Variants in ST13 observed in about 807,000 individuals in gnomAD.
The protein encoded by ST13 is hsc70-interacting protein.
ST13 carries 23 observed loss-of-function variants against 56.7 expected under a neutral mutation model. The ratio of observed to expected loss-of-function variants is 0.41; its 90% CI spans 0.29 to 0.57. The LOEUF is 0.57. ST13 is among the 20% of genes least tolerant of loss of function. The pLI, the probability that ST13 is intolerant of heterozygous loss-of-function variation, is 0.36. For missense variants in ST13, 369 were observed against 459.9 expected, an observed-to-expected ratio of 0.80 and a Z score of 1.81; for synonymous variants, 132 against 142.4, an observed-to-expected ratio of 0.93 and a Z score of 0.52.
chr22:40,843,578 G>C (rs942532382), intron 4 of ST13, among the ~76,000 whole-genome samples: 1 of 152,106 alleles, frequency 6.6e-6, no homozygotes, highest in Non-Finnish European at 1.5e-5. Flanking sequence ...ATGTTCAGAA[G>C]AGAAAAAGCA....
chr22:40,847,527 C>T (rs550387683), intron 3 of ST13, among the ~76,000 whole-genome samples: 7 of 141,140 alleles, frequency 5.0e-5, no homozygotes, highest in South Asian at 2.2e-4. Context: ...CCAGCCTGGG[C>T]GACACAGTGA....
At chr22:40,830,706 A>AT in intron 9 of ST13, 134 bp downstream of exon 9, 1 of 476,904 alleles carries the variant, frequency 2.1e-6, no homozygotes, top group African/African-American at 2.0e-5. Flanking sequence ...GAGACTCCCC[A>AT]TAAGTAATAT....
At chr22:40,847,192 G>A (rs1246882422) in intron 3 of ST13, among the ~76,000 whole-genome samples, 1 of 152,022 alleles carries the variant, frequency 6.6e-6, no homozygotes, top group Non-Finnish European at 1.5e-5. Flanking sequence ...TATCAACATG[G>A]TTGTAAGAAC....
chr22:40,848,064 C>CA lies in ST13; in HGVS notation c.244+229dup, dbSNP rs570104512. Reference sequence around the variant, plus strand: ...CTCCATCTCAAAAAGAACAAAAAAACAAAAAAAAATATTGATTACACATGT... The same window carrying CA: ...CTCCATCTCAAAAAGAACAAAAAAACAAAAAAAAAATATTGATTACACATGT... On this transcript the variant is annotated intron_variant, in intron 3 of 11. Coordinates refer to ENST00000216218, the MANE Select transcript of ST13 (RefSeq NM_003932.5). Among the ~76,000 whole-genome samples, 42 of 150,098 alleles carry CA rather than the reference C, an allele frequency of 2.8e-4. No individual in the cohort carries two copies. The South Asian group carries it at 4.2e-3, about 15-fold the overall frequency.
intron 3 of ST13, among the ~76,000 whole-genome samples, chr22:40,845,608 C>T (rs2057826892): frequency 6.6e-6 from 1 of 152,046 alleles, no homozygotes; most frequent in East Asian, 1.9e-4. Context: ...AAAGCTAGTA[C>T]TTACAACCAA....
In ST13 at chr22:40,856,300, T is replaced by C. The variant is rs1047049418; in HGVS notation, c.110+131A>G. On this transcript the variant is annotated intron_variant, in intron 1 of 11. Transcript: ENST00000216218. ...CGCGATCTTCCATGACCCCTCGAAGTTGCCTCCCTTTCCCGGGCAAAGAAG... is the reference window on the plus strand; with the variant it reads ...CGCGATCTTCCATGACCCCTCGAAGCTGCCTCCCTTTCCCGGGCAAAGAAG... The C allele has an allele frequency of 3.7e-5, 28 of 760,036 alleles. 1 individual carries two copies. The Admixed American group carries it at 5.7e-4, about 15-fold the overall frequency. The allele number at this position is 760,036 out of a possible 1,614,324, so 47.1% of individuals were successfully genotyped here. A position where few individuals can be genotyped will look rare whatever the true frequency, so the allele number is the denominator to read the frequency against.
At chr22:40,847,358 A>G (rs115267086) in intron 3 of ST13, among the ~76,000 whole-genome samples, 6,367 of 150,870 alleles carry the variant, frequency 0.042, 440 homozygotes, top group African/African-American at 0.15. Context: ...ACATGGCAAC[A>G]TGGCAAAACC....
At chr22:40,829,534 T>C (rs754585759) in intron 10 of ST13, 92 bp downstream of exon 10, 3 of 597,582 alleles carry the variant, frequency 5.0e-6, no homozygotes, top group Non-Finnish European at 7.6e-6. Flanking sequence ...GAGAACAAAA[T>C]CAGAATATCA....
At chr22:40,838,389 T>G (rs2057787377) in intron 5 of ST13, among the ~76,000 whole-genome samples, 1 of 152,078 alleles carries the variant, frequency 6.6e-6, no homozygotes. Context: ...AACAGAGAGT[T>G]CAGAAAAAAG....
At chr22:40,845,000 C>T in intron 3 of ST13, 91 bp from the exon 4 acceptor site, 2 of 804,042 alleles carry the variant, frequency 2.5e-6, no homozygotes, top group Non-Finnish European at 3.9e-6. Context: ...ACTATGACTA[C>T]TACAATTAAT....
At chr22:40,839,956 C>T (rs987262650) in intron 5 of ST13, among the ~76,000 whole-genome samples, 2 of 151,834 alleles carry the variant, frequency 1.3e-5, no homozygotes, top group African/African-American at 2.4e-5. Flanking sequence ...CAAGACCAGA[C>T]TGGCCAGCAT....
In ST13 at chr22:40,844,929, G is replaced by T; in HGVS notation, c.245-20C>A. 6.3e-7 allele frequency: 1 copy of T among 1,595,102 alleles called. No homozygotes were observed. Among genetic ancestry groups the T allele is most frequent in the Non-Finnish European group, 8.6e-7 (1 of 1,165,804 alleles). On this transcript the variant is annotated intron_variant, in intron 3 of 11. Coordinates refer to ENST00000216218, the MANE Select transcript of ST13 (RefSeq NM_003932.5). ...CAATTTCTGCCAAAGTCGAGAAAAT[G>T]ACAATAAGACCTGCACCGTACAATA...
chr22:40,828,717 A>C (rs1186346339), intron 10 of ST13, among the ~76,000 whole-genome samples: 3 of 152,194 alleles, frequency 2.0e-5, no homozygotes, highest in Non-Finnish European at 4.4e-5. Context: ...TGATAAAGTC[A>C]TTTTTACCTG....
chr22:40,832,422 G>C, intron 8 of ST13, 147 bp downstream of exon 8: 1 of 629,414 alleles, frequency 1.6e-6, no homozygotes, highest in Admixed American at 2.6e-5. Flanking sequence ...CTCCAGAGTC[G>C]AGCACAAACT....
rs147488254 is a variant in ST13, at chr22:40,833,768, G to C, written c.579-1097C>G. On this transcript the variant is annotated intron_variant, in intron 7 of 11. Transcript: ENST00000216218. ...CACCTGTAATCCCAGCTACTTGGGA[G>C]GCTGAGGCAGGAGAACCGCTTGAGC... Among the ~76,000 whole-genome samples, 215 of 152,054 alleles carry C rather than the reference G, an allele frequency of 1.4e-3. 2 individuals carry two copies. The highest frequency in any genetic ancestry group is 1.9e-3 in the Non-Finnish European group (130 of 67,990).
At chr22:40,841,313 T>G (rs1019871029) in intron 4 of ST13, among the ~76,000 whole-genome samples, 1 of 151,848 alleles carries the variant, frequency 6.6e-6, no homozygotes, top group African/African-American at 2.4e-5. Context: ...AAGGCTGTAG[T>G]GAGTCTTGAT....
intron 2 of ST13, among the ~76,000 whole-genome samples, chr22:40,849,038 A>C (rs188422256): frequency 6.6e-6 from 1 of 152,224 alleles, no homozygotes; most frequent in Non-Finnish European, 1.5e-5. Flanking sequence ...TAGTCTCTCT[A>C]TATATGAAAC....
At chr22:40,851,715 G>A (rs1333999180) in intron 1 of ST13, among the ~76,000 whole-genome samples, 4 of 151,910 alleles carry the variant, frequency 2.6e-5, no homozygotes, top group African/African-American at 4.8e-5. Flanking sequence ...TGTAAAACAA[G>A]GGGATATATT....
intron 3 of ST13, among the ~76,000 whole-genome samples, chr22:40,846,240 G>A (rs2057830706): frequency 6.6e-6 from 1 of 151,994 alleles, no homozygotes; most frequent in African/African-American, 2.4e-5. Context: ...CTGACCTCAG[G>A]CATACCTCAT....
Sources: gnomAD v4.1 joint callset for allele counts (sites outside exome capture counted in the v4.1 genomes callset) on GRCh38, gnomAD v4.1.1 for gene constraint, MANE v1.5 for transcripts, NCBI Gene and HGNC (gene_info 2026-07-23, HGNC 2026-07-21) for gene names.